Variants in CEP135 observed in about 807,000 individuals in gnomAD.
CEP135 encodes centrosomal protein of 135 kDa.
Under a neutral mutation model 157.3 loss-of-function variants are expected in CEP135, and 142 were observed. The ratio of observed to expected loss-of-function variants is 0.90; its 90% CI spans 0.79 to 1.04. The LOEUF is 1.04. Among genes scored for constraint, CEP135 ranks in the 50% least tolerant of loss-of-function variants. The pLI, the probability that CEP135 is intolerant of heterozygous loss-of-function variation, is 0.00. For missense variants in CEP135, 1,317 were observed against 1,309.2 expected, an observed-to-expected ratio of 1.01 and a Z score of -0.09; for synonymous variants, 396 against 439.8, an observed-to-expected ratio of 0.90 and a Z score of 1.25.
intron 1 of CEP135, among the ~76,000 whole-genome samples, chr4:55,949,732 T>A (rs1023488870): frequency 1.3e-5 from 2 of 152,256 alleles, no homozygotes; most frequent in Non-Finnish European, 2.9e-5. Flanking sequence ...ACCTTTTATG[T>A]TGCTTTGCTA....
At chr4:56,026,167 C>T (rs1731153465) in intron 25 of CEP135, among the ~76,000 whole-genome samples, 1 of 152,080 alleles carries the variant, frequency 6.6e-6, no homozygotes, top group South Asian at 2.1e-4. Context: ...CCAGATCGCG[C>T]CACTGCACTC....
intron 11 of CEP135, among the ~76,000 whole-genome samples, chr4:55,978,882 C>T (rs1051392478): frequency 2.0e-5 from 3 of 152,204 alleles, no homozygotes; most frequent in African/African-American, 7.2e-5. Context: ...GGTTAGATTA[C>T]ATAGCTTCTT....
intron 13 of CEP135, among the ~76,000 whole-genome samples, chr4:55,981,843 T>C (rs1406195840): frequency 5.3e-5 from 8 of 152,134 alleles, no homozygotes; most frequent in Non-Finnish European, 8.8e-5. Context: ...AAACCCATCA[T>C]AAGTAAAAAA....
chr4:56,025,907 C>CAA (rs57866677), intron 25 of CEP135, among the ~76,000 whole-genome samples: 67 of 137,160 alleles, frequency 4.9e-4, no homozygotes, highest in Middle Eastern at 3.6e-3. Flanking sequence ...GCATGAAAAT[C>CAA]AAAAAAAAAA....
intron 24 of CEP135, among the ~76,000 whole-genome samples, chr4:56,021,141 C>G (rs180722063): frequency 2.4e-4 from 36 of 152,278 alleles, no homozygotes; most frequent in Admixed American, 1.1e-3. Flanking sequence ...GAAGCAACAA[C>G]AATCCCTATA....
chr4:56,022,028 A>G (rs1730989482), intron 24 of CEP135, among the ~76,000 whole-genome samples: 1 of 152,154 alleles, frequency 6.6e-6, no homozygotes, highest in Non-Finnish European at 1.5e-5. Flanking sequence ...ACCCTGTCTC[A>G]AAAAACAAAC....
At chr4:55,972,770 G>A (rs1030028058) in intron 10 of CEP135, among the ~76,000 whole-genome samples, 9 of 152,274 alleles carry the variant, frequency 5.9e-5, no homozygotes, top group South Asian at 2.1e-4. Context: ...GGTGGCTCAC[G>A]CCTGTAATCC....
At chr4:55,951,278 T>TTA (rs1560394186) in intron 1 of CEP135, among the ~76,000 whole-genome samples, 1 of 152,196 alleles carries the variant, frequency 6.6e-6, no homozygotes, top group African/African-American at 2.4e-5. Context: ...AATCACAGGG[T>TTA]TATAGTCCAG....
intron 13 of CEP135, among the ~76,000 whole-genome samples, chr4:55,983,228 A>G (rs1289986135): frequency 1.3e-5 from 2 of 152,228 alleles, no homozygotes; most frequent in South Asian, 2.1e-4. Flanking sequence ...ATCCTTTTCC[A>G]TATCTTTTGA....
intron 4 of CEP135, among the ~76,000 whole-genome samples, chr4:55,954,743 T>A (rs552796606): frequency 6.6e-6 from 1 of 152,330 alleles, no homozygotes; most frequent in Non-Finnish European, 1.5e-5. Context: ...CTTTCTTAGT[T>A]TATTTTACTA....
At chr4:56,012,542 T>C (rs1730623922) in intron 21 of CEP135, among the ~76,000 whole-genome samples, 1 of 152,206 alleles carries the variant, frequency 6.6e-6, no homozygotes, top group African/African-American at 2.4e-5. Flanking sequence ...ACATTCACAA[T>C]GTTGTGTAAC....
At chr4:55,972,110 A>G (rs1455045630) in intron 10 of CEP135, among the ~76,000 whole-genome samples, 1 of 152,102 alleles carries the variant, frequency 6.6e-6, no homozygotes, top group African/African-American at 2.4e-5. Flanking sequence ...GAATCGTGCC[A>G]CTGCACTCCA....
intron 17 of CEP135, among the ~76,000 whole-genome samples, chr4:56,002,873 G>A (rs1027295607): frequency 3.9e-5 from 6 of 152,074 alleles, no homozygotes; most frequent in African/African-American, 1.4e-4. Context: ...TTCTTTTGTG[G>A]AAGACTTTAT....
At chr4:56,013,180 T>G (rs1730652040) in intron 21 of CEP135, among the ~76,000 whole-genome samples, 1 of 152,254 alleles carries the variant, frequency 6.6e-6, no homozygotes, top group Admixed American at 6.5e-5. Context: ...ATTGACGATT[T>G]GTGTATCTTC....
At chr4:55,952,536 CTT>C in intron 2 of CEP135, 1 of 225,860 alleles carries the variant, frequency 4.4e-6, no homozygotes, top group East Asian at 9.0e-5. Context: ...CCCTTAAGTT[CTT>C]TTTTTTTCCC....
At chr4:55,986,347 G>A (rs1353219187) in intron 14 of CEP135, among the ~76,000 whole-genome samples, 4 of 152,120 alleles carry the variant, frequency 2.6e-5, no homozygotes, top group Non-Finnish European at 5.9e-5. Context: ...TTTGAGACCA[G>A]CCTGGGTAAG....
chr4:55,997,473 A>G (rs1052988026), intron 15 of CEP135, among the ~76,000 whole-genome samples: 19 of 152,310 alleles, frequency 1.2e-4, no homozygotes, highest in African/African-American at 3.1e-4. Flanking sequence ...AGCACTGCCA[A>G]CTGCTCAGTG....
intron 21 of CEP135, among the ~76,000 whole-genome samples, chr4:56,012,247 G>A (rs1209774182): frequency 6.6e-6 from 1 of 151,980 alleles, no homozygotes; most frequent in East Asian, 1.9e-4. Flanking sequence ...GTAGAGATGG[G>A]GTTTCACCGT....
intron 19 of CEP135, among the ~76,000 whole-genome samples, chr4:56,010,773 C>T (rs1409154986): frequency 6.6e-6 from 1 of 152,140 alleles, no homozygotes; most frequent in Non-Finnish European, 1.5e-5. Flanking sequence ...CTGTTTTAAA[C>T]ATCTTACGTT....
Sources: gnomAD v4.1 joint callset for allele counts (sites outside exome capture counted in the v4.1 genomes callset) on GRCh38, gnomAD v4.1.1 for gene constraint, MANE v1.5 for transcripts, NCBI Gene and HGNC (gene_info 2026-07-23, HGNC 2026-07-21) for gene names.